Variants in TSPAN18 observed in about 807,000 individuals in gnomAD.
TSPAN18 encodes the protein tetraspanin 18.
A neutral mutation model predicts 27.3 loss-of-function variants in TSPAN18; 14 were observed. The ratio of observed to expected loss-of-function variants is 0.51; its 90% confidence interval spans 0.34 to 0.80. The LOEUF is 0.80. Ranked by LOEUF, TSPAN18 falls within the 30% of genes least tolerant of loss-of-function variation. The pLI, the probability that TSPAN18 is intolerant of heterozygous loss-of-function variation, is 0.01. For missense variants in TSPAN18, 268 were observed against 323.9 expected, an observed-to-expected ratio of 0.83 and a Z score of 1.32; for synonymous variants, 143 against 136.5, an observed-to-expected ratio of 1.05 and a Z score of -0.33.
chr11:44,785,723 C>A (rs545683271), intron 2 of TSPAN18, among the ~76,000 whole-genome samples: 2 of 152,102 alleles, frequency 1.3e-5, no homozygotes, highest in Admixed American at 1.3e-4. Flanking sequence ...GGGTCTTTGG[C>A]GGGACTTTGT....
At chr11:44,763,004 A>G (rs1855488657) in intron 1 of TSPAN18, among the ~76,000 whole-genome samples, 1 of 152,136 alleles carries the variant, frequency 6.6e-6, no homozygotes, top group Admixed American at 6.5e-5. Context: ...TTGACTTCCC[A>G]CAGCCAAAGT....
At chr11:44,900,979 G>A (rs1255631430) in intron 3 of TSPAN18, among the ~76,000 whole-genome samples, 17 of 152,134 alleles carry the variant, frequency 1.1e-4, no homozygotes, top group Non-Finnish European at 2.1e-4. Context: ...ACAAGCGTGA[G>A]CCACCGCGCC....
At chr11:44,789,647 T>C (rs146236177) in intron 2 of TSPAN18, among the ~76,000 whole-genome samples, 4 of 152,190 alleles carry the variant, frequency 2.6e-5, no homozygotes, top group Admixed American at 2.0e-4. Flanking sequence ...GATTCTGAGC[T>C]GGGAGCAAGC....
chr11:44,896,277 A>G lies in TSPAN18; in HGVS notation c.-10-10130A>G, dbSNP rs536274803. ...AGAGAAAGCACTTTCTGTAAACGCC[A>G]CTTTTGACTCTGACCCCTGAGTTTG... On this transcript the variant is annotated intron_variant, in intron 3 of 9. Coordinates refer to ENST00000520358, the MANE Select transcript of TSPAN18 (RefSeq NM_130783.5). 3.9e-5 allele frequency among the ~76,000 whole-genome samples: 6 copies of G among 152,232 alleles called. No individual in the cohort carries two copies. In the South Asian group the frequency reaches 1.0e-3, roughly 26 times the overall value.
Position 44,884,154 on chromosome 11 carries a change from C to A in TSPAN18, c.-10-22253C>A, listed in dbSNP as rs550384981. On this transcript the variant is annotated intron_variant, in intron 3 of 9. Transcript: ENST00000520358. ...CCTGCCCCTTCTAATTGCTATTGGG[C>A]CTCAGCAGAGCAGGGAAGAGACCTT... is the stretch of plus-strand genomic sequence containing the variant. Among the ~76,000 whole-genome samples, 121 of 152,208 alleles carry A rather than the reference C, an allele frequency of 7.9e-4. 1 individual carries two copies. Among genetic ancestry groups the A allele is most frequent in the Non-Finnish European group, 7.4e-5 (5 of 68,024 alleles).
chr11:44,908,831 A>AAAAGAAAG (rs1590671474), intron 4 of TSPAN18, among the ~76,000 whole-genome samples: 2 of 96,158 alleles, frequency 2.1e-5, no homozygotes, highest in Non-Finnish European at 4.4e-5. Context: ...AAGAAAGAAA[A>AAAAGAAAG]AGAAAAATGG....
chr11:44,766,766 G>T (rs1450243910), intron 2 of TSPAN18, among the ~76,000 whole-genome samples: 1 of 152,214 alleles, frequency 6.6e-6, no homozygotes, highest in African/African-American at 2.4e-5. Context: ...AGGCAGAGAG[G>T]CATGTGCTGT....
intron 3 of TSPAN18, among the ~76,000 whole-genome samples, chr11:44,861,331 G>A (rs1028978457): frequency 6.6e-6 from 1 of 151,422 alleles, no homozygotes; most frequent in Admixed American, 6.6e-5. Flanking sequence ...GAAACCTGGA[G>A]GATAAGATAT....
intron 3 of TSPAN18, among the ~76,000 whole-genome samples, chr11:44,876,838 G>A (rs180899975): frequency 3.3e-5 from 5 of 152,264 alleles, no homozygotes; most frequent in Non-Finnish European, 7.3e-5. Context: ...GATATATGGA[G>A]ACTCTCAGCT....
chr11:44,833,949 CA>C (rs930834788), intron 2 of TSPAN18, among the ~76,000 whole-genome samples: 33 of 151,662 alleles, frequency 2.2e-4, no homozygotes, highest in Non-Finnish European at 4.9e-4. Context: ...GCCTGCTGGG[CA>C]GGTAAATAAC....
chr11:44,731,596 TTGTGTG>T (rs796756282), intron 1 of TSPAN18, among the ~76,000 whole-genome samples: 9 of 117,982 alleles, frequency 7.6e-5, no homozygotes, highest in Admixed American at 1.8e-4. Context: ...GGGGCCTGGA[TTGTGTG>T]TGTGTGTGTG....
At chr11:44,832,469 A>G (rs563582921) in intron 2 of TSPAN18, among the ~76,000 whole-genome samples, 4 of 151,962 alleles carry the variant, frequency 2.6e-5, no homozygotes, top group South Asian at 4.2e-4. Flanking sequence ...TCTGTTTCCA[A>G]TTCTCTACCC....
intron 3 of TSPAN18, among the ~76,000 whole-genome samples, chr11:44,862,140 C>G (rs11038180): frequency 0.028 from 4,337 of 152,196 alleles, 83 homozygotes; most frequent in Non-Finnish European, 0.038. Flanking sequence ...CTTAGAGGGA[C>G]AGGGGAGCAG....
At chr11:44,902,190 A>G (rs556954348) in intron 3 of TSPAN18, among the ~76,000 whole-genome samples, 1 of 152,344 alleles carries the variant, frequency 6.6e-6, no homozygotes, top group South Asian at 2.1e-4. Flanking sequence ...AGAGCTGTCC[A>G]TCCTGCTCTG....
At position 44,919,810 on chromosome 11, in the gene TSPAN18, C is replaced by T. The variant is rs1860057034; in HGVS notation, c.433-7C>T. 1.2e-6 allele frequency: 2 copies of T among 1,614,022 alleles called. No homozygotes were observed. The highest frequency in any genetic ancestry group is 1.1e-5 in the South Asian group (1 of 91,058). On this transcript the variant is annotated splice_polypyrimidine_tract_variant and splice_region_variant and intron_variant, in intron 7 of 9. Coordinates refer to ENST00000520358, the MANE Select transcript of TSPAN18 (RefSeq NM_130783.5). Reference sequence around the variant, plus strand: ...CCACCAGAACCTTCTCTGGGATCTCCCCCTAGTTTGGTTGCTGCGGGGTCA... The same window carrying T: ...CCACCAGAACCTTCTCTGGGATCTCTCCCTAGTTTGGTTGCTGCGGGGTCA...
At position 44,929,578 on chromosome 11, in the gene TSPAN18, A is replaced by G; in HGVS notation, c.*400A>G. 1 of 195,956 alleles carries G rather than the reference A, an allele frequency of 5.1e-6. No homozygotes were observed. The highest frequency in any genetic ancestry group is 1.0e-5 in the Non-Finnish European group (1 of 96,372). The allele number at this position is 195,956 out of a possible 1,614,324, so 12.1% of individuals were successfully genotyped here. On this transcript the variant is annotated 3_prime_UTR_variant, in exon 10 of 10. Transcript: ENST00000520358. ...TTAGGCAACAAGGAGGCAAAAGCAAATCTCAGAGAAGTCATCAAAGCCCAG... is the reference window on the plus strand; with the variant it reads ...TTAGGCAACAAGGAGGCAAAAGCAAGTCTCAGAGAAGTCATCAAAGCCCAG...
At position 44,927,423 on chromosome 11, in the gene TSPAN18, A is replaced by G. The variant is rs1286313345; in HGVS notation, c.699+666A>G. Among the ~76,000 whole-genome samples the G allele has an allele frequency of 5.3e-5, 8 of 152,200 alleles. No individual in the cohort carries two copies. The East Asian group carries it at 1.5e-3, about 29-fold the overall frequency. Reference sequence around the variant, plus strand: ...CCAGGAAGGGGCACTCTGGGGCCTCAGTCAGTCCTCGGCCTGCGGGGGAAG... The same window carrying G: ...CCAGGAAGGGGCACTCTGGGGCCTCGGTCAGTCCTCGGCCTGCGGGGGAAG... On this transcript the variant is annotated intron_variant, in intron 9 of 9. Transcript: ENST00000520358.
chr11:44,774,553 C>T (rs1331264311), intron 2 of TSPAN18, among the ~76,000 whole-genome samples: 1 of 152,224 alleles, frequency 6.6e-6, no homozygotes, highest in African/African-American at 2.4e-5. Flanking sequence ...CTGGAGGTCC[C>T]TGTGGTCCTC....
rs188196239 is a variant in TSPAN18 at position 44,757,599 on chromosome 11, G to C, written c.-239-6827G>C. On this transcript the variant is annotated intron_variant, in intron 1 of 9. Coordinates refer to ENST00000520358, the MANE Select transcript of TSPAN18 (RefSeq NM_130783.5). Reference sequence around the variant, plus strand: ...AGAGTTTTGCTATGTTGCCCAGGTGGGTCTTGGACTCTTGGGCTCAAGAGA... The same window carrying C: ...AGAGTTTTGCTATGTTGCCCAGGTGCGTCTTGGACTCTTGGGCTCAAGAGA... Among the ~76,000 whole-genome samples, 219 of 152,166 alleles carry C rather than the reference G, an allele frequency of 1.4e-3. 1 individual carries two copies. Among genetic ancestry groups the C allele is most frequent in the African/African-American group, 5.0e-3 (207 of 41,522 alleles).
Sources: gnomAD v4.1 joint callset for allele counts (sites outside exome capture counted in the v4.1 genomes callset) on GRCh38, gnomAD v4.1.1 for gene constraint, MANE v1.5 for transcripts, NCBI Gene and HGNC (gene_info 2026-07-23, HGNC 2026-07-21) for gene names.